CPEB3: variants seen among roughly 807,000 people sequenced by gnomAD.
The protein encoded by CPEB3 is cytoplasmic polyadenylation element binding protein 3.
In CPEB3, 20 loss-of-function variants were observed where a neutral mutation model predicts 67.2. That is an observed-to-expected ratio of 0.30 (90% CI 0.21 to 0.43). CPEB3 has a LOEUF of 0.43. Ranked by LOEUF, CPEB3 falls within the 20% of genes least tolerant of loss-of-function variation. The probability of loss-of-function intolerance (pLI) is 1.00; values close to 1 mark genes in which losing one functional copy is unlikely to be tolerated. For missense variants in CPEB3, 746 were observed against 968.6 expected, an observed-to-expected ratio of 0.77 and a Z score of 3.05; for synonymous variants, 376 against 393.1, an observed-to-expected ratio of 0.96 and a Z score of 0.51.
intron 1 of CPEB3, among the ~76,000 whole-genome samples, chr10:92,245,772 C>A (rs1280550372): frequency 2.0e-5 from 3 of 152,172 alleles, no homozygotes; most frequent in African/African-American, 7.2e-5. Flanking sequence ...CACGGTGGCT[C>A]ATGCCTGTAA....
chr10:92,148,636 C>T (rs912102625), intron 4 of CPEB3, among the ~76,000 whole-genome samples: 2 of 152,086 alleles, frequency 1.3e-5, no homozygotes, highest in East Asian at 3.9e-4. Context: ...TATCTTCCTG[C>T]CCTAATTAGG....
intron 6 of CPEB3, chr10:92,138,241 G>A (rs922131271): frequency 3.6e-5 from 8 of 222,852 alleles, no homozygotes; most frequent in Admixed American, 2.1e-4. Context: ...TGGTCGAGGT[G>A]GATGGTTTGG....
At chr10:92,200,839 G>C (rs1380396408) in intron 2 of CPEB3, among the ~76,000 whole-genome samples, 1 of 152,052 alleles carries the variant, frequency 6.6e-6, no homozygotes, top group Admixed American at 6.6e-5. Flanking sequence ...TTTCTTCACA[G>C]CTCTTCTGGT....
intron 6 of CPEB3, among the ~76,000 whole-genome samples, chr10:92,128,507 T>C (rs1485346923): frequency 6.6e-6 from 1 of 152,088 alleles, no homozygotes; most frequent in African/African-American, 2.4e-5. Flanking sequence ...TGGTAACTAA[T>C]TAAACTGAAG....
At chr10:92,183,884 T>C (rs1255759764) in intron 3 of CPEB3, among the ~76,000 whole-genome samples, 2 of 152,206 alleles carry the variant, frequency 1.3e-5, no homozygotes, top group East Asian at 3.8e-4. Context: ...GTGTCTACCA[T>C]TTACGGTAAA....
At chr10:92,265,155 G>A (rs1039037316) in intron 1 of CPEB3, among the ~76,000 whole-genome samples, 10 of 151,072 alleles carry the variant, frequency 6.6e-5, no homozygotes, top group Admixed American at 4.0e-4. Flanking sequence ...GCGAGACTCC[G>A]CCTCAAAAAA....
intron 1 of CPEB3, among the ~76,000 whole-genome samples, chr10:92,271,575 G>A (rs1357963542): frequency 6.6e-6 from 1 of 152,096 alleles, no homozygotes; most frequent in African/African-American, 2.4e-5. Flanking sequence ...CCTCATGATC[G>A]AACTTAGGTC....
intron 1 of CPEB3, among the ~76,000 whole-genome samples, chr10:92,287,232 G>A (rs140418640): frequency 7.2e-4 from 109 of 151,866 alleles, no homozygotes; most frequent in Non-Finnish European, 1.2e-3. Context: ...AGGTTCAAGC[G>A]ATTCTCCTAT....
chr10:92,099,691 TA>T (rs113971658), intron 7 of CPEB3, among the ~76,000 whole-genome samples: 293 of 138,808 alleles, frequency 2.1e-3, no homozygotes, highest in African/African-American at 2.0e-3. Flanking sequence ...CCATTTCTAC[TA>T]AAAAAAAAAA....
chr10:92,205,470 CTTTTTTTTTTTTTTTT>C lies in CPEB3; in HGVS notation c.1006-12850_1006-12835del, dbSNP rs34029695. 2.6e-4 allele frequency among the ~76,000 whole-genome samples: 24 copies of C among 91,022 alleles called. 1 individual carries two copies. Among genetic ancestry groups the C allele is most frequent in the Admixed American group, 1.5e-4 (1 of 6,878 alleles). The allele number at this position is 91,022 out of a possible 152,430, so 59.7% of individuals were successfully genotyped here. A position where few individuals can be genotyped will look rare whatever the true frequency, so the allele number is the denominator to read the frequency against. On this transcript the variant is annotated intron_variant, in intron 2 of 9. Coordinates refer to ENST00000265997, the MANE Select transcript of CPEB3 (RefSeq NM_014912.5). ...AGGAAACTAAATATTAAATTCAGTC[CTTTTTTTTTTTTTTTT>C]TTTTTTTTGAGACGGAGTCTCACTC...
intron 2 of CPEB3, among the ~76,000 whole-genome samples, chr10:92,209,994 A>C (rs1276116310): frequency 1.3e-5 from 2 of 151,712 alleles, no homozygotes; most frequent in African/African-American, 2.4e-5. Flanking sequence ...TTCAGGAAGG[A>C]AAAAGGAGAG....
At chr10:92,274,599 G>C (rs1049963757) in intron 1 of CPEB3, among the ~76,000 whole-genome samples, 1 of 152,104 alleles carries the variant, frequency 6.6e-6, no homozygotes, top group Non-Finnish European at 1.5e-5. Context: ...CCAGGACTTC[G>C]GGAGGCCCAG....
At chr10:92,196,539 C>T (rs1235689807) in intron 2 of CPEB3, among the ~76,000 whole-genome samples, 2 of 152,026 alleles carry the variant, frequency 1.3e-5, no homozygotes, top group East Asian at 1.9e-4. Flanking sequence ...GAGGTCAAGG[C>T]GGGTGGATCA....
intron 1 of CPEB3, among the ~76,000 whole-genome samples, chr10:92,269,163 T>C (rs564835707): frequency 2.0e-5 from 3 of 150,088 alleles, no homozygotes; most frequent in East Asian, 2.0e-4. Flanking sequence ...CCTAAGGCAA[T>C]GCCCAGGAAA....
chr10:92,141,359 T>C (rs1846408943), intron 6 of CPEB3, among the ~76,000 whole-genome samples: 1 of 152,034 alleles, frequency 6.6e-6, no homozygotes. Flanking sequence ...GAAATCATCA[T>C]TCTCAGCAAA....
chr10:92,178,444 G>A (rs975851168), intron 4 of CPEB3, among the ~76,000 whole-genome samples: 1 of 152,082 alleles, frequency 6.6e-6, no homozygotes, highest in African/African-American at 2.4e-5. Context: ...CAGATGTGAG[G>A]CACCACGCCC....
intron 4 of CPEB3, among the ~76,000 whole-genome samples, chr10:92,157,657 C>T (rs1484861692): frequency 1.3e-5 from 2 of 152,062 alleles, no homozygotes; most frequent in Non-Finnish European, 2.9e-5. Context: ...CACCAGCCAA[C>T]CTAATAAGAT....
intron 2 of CPEB3, among the ~76,000 whole-genome samples, chr10:92,227,493 T>G: frequency 6.6e-6 from 1 of 152,208 alleles, no homozygotes; most frequent in East Asian, 1.9e-4. Context: ...AATAGCTATA[T>G]GGGTAACAAA....
At chr10:92,158,133 G>GA (rs1226044904) in intron 4 of CPEB3, among the ~76,000 whole-genome samples, 31 of 150,562 alleles carry the variant, frequency 2.1e-4, no homozygotes, top group East Asian at 1.6e-3. Flanking sequence ...ATTTAGAAAT[G>GA]AAAAAAAAAT....
Sources: gnomAD v4.1 joint callset for allele counts (sites outside exome capture counted in the v4.1 genomes callset) on GRCh38, gnomAD v4.1.1 for gene constraint, MANE v1.5 for transcripts, NCBI Gene and HGNC (gene_info 2026-07-23, HGNC 2026-07-21) for gene names.